The following SLC35F4 variants were observed in gnomAD, a reference collection of about 807,000 sequenced individuals.
SLC35F4 encodes chromosome 14 open reading frame 36.
SLC35F4 carries 24 observed loss-of-function variants against 44.2 expected under a neutral mutation model. That is an observed-to-expected ratio of 0.54 (90% CI 0.39 to 0.76). The LOEUF is 0.76. Ranked by LOEUF, SLC35F4 falls within the 30% of genes least tolerant of loss-of-function variation. The pLI, the probability that SLC35F4 is intolerant of heterozygous loss-of-function variation, is 0.00. For synonymous variants in SLC35F4, 238 were observed against 223.6 expected (o/e 1.06, Z -0.57); for missense variants, 562 against 586.1 (o/e 0.96, Z 0.42).
chr14:57,644,934 T>C (rs184420529), intron 1 of SLC35F4, among the ~76,000 whole-genome samples: 19 of 152,328 alleles, frequency 1.2e-4, no homozygotes, highest in Non-Finnish European at 4.4e-5. Flanking sequence ...TAGTTGTAGA[T>C]ATGTGGCATT....
intron 1 of SLC35F4, among the ~76,000 whole-genome samples, chr14:57,790,514 T>C (rs1298566775): frequency 2.0e-5 from 3 of 152,200 alleles, no homozygotes; most frequent in Non-Finnish European, 4.4e-5. Context: ...AAACATTTCA[T>C]GCTCGTGGAT....
intron 1 of SLC35F4, among the ~76,000 whole-genome samples, chr14:57,890,677 G>A (rs1330201791): frequency 1.3e-5 from 2 of 151,934 alleles, no homozygotes; most frequent in Non-Finnish European, 2.9e-5. Context: ...TAGCTTTTGT[G>A]GATTCATATT....
At chr14:57,769,996 G>C (rs986090847) in intron 1 of SLC35F4, among the ~76,000 whole-genome samples, 1 of 152,132 alleles carries the variant, frequency 6.6e-6, no homozygotes, top group African/African-American at 2.4e-5. Flanking sequence ...AAGGGCCCCA[G>C]TTCTGAATTT....
chr14:57,863,638 T>C (rs530935094), intron 1 of SLC35F4, among the ~76,000 whole-genome samples: 2 of 152,372 alleles, frequency 1.3e-5, no homozygotes, highest in East Asian at 1.9e-4. Flanking sequence ...GTTTGTTTAC[T>C]AGTTGAAGCC....
At chr14:57,914,087 T>A (rs1440884432) in intron 1 of SLC35F4, among the ~76,000 whole-genome samples, 1 of 152,200 alleles carries the variant, frequency 6.6e-6, no homozygotes, top group African/African-American at 2.4e-5. Context: ...CTTAGTCTGT[T>A]TTATGCTGCT....
intron 1 of SLC35F4, among the ~76,000 whole-genome samples, chr14:57,608,137 T>G (rs1252503910): frequency 6.6e-6 from 1 of 151,944 alleles, no homozygotes; most frequent in African/African-American, 2.4e-5. Context: ...GGAAACAGAT[T>G]TGAGAGTCAT....
intron 1 of SLC35F4, among the ~76,000 whole-genome samples, chr14:57,677,542 G>T (rs904358702): frequency 1.3e-5 from 2 of 152,074 alleles, no homozygotes; most frequent in African/African-American, 4.8e-5. Flanking sequence ...TGCTGTTTGA[G>T]TGTTTTTATG....
At chr14:57,671,651 A>C (rs901190881) in intron 1 of SLC35F4, among the ~76,000 whole-genome samples, 3 of 152,026 alleles carry the variant, frequency 2.0e-5, no homozygotes, top group Admixed American at 2.0e-4. Flanking sequence ...GACTCAGTAC[A>C]TAACCAGCGG....
chr14:57,809,991 T>G (rs1881777238), intron 1 of SLC35F4, among the ~76,000 whole-genome samples: 1 of 152,256 alleles, frequency 6.6e-6, no homozygotes, highest in Non-Finnish European at 1.5e-5. Flanking sequence ...CCCTTAACCT[T>G]GACTATTATG....
intron 1 of SLC35F4, among the ~76,000 whole-genome samples, chr14:57,953,689 C>T (rs1421708239): frequency 6.6e-6 from 1 of 152,146 alleles, no homozygotes; most frequent in South Asian, 2.1e-4. Flanking sequence ...AAGGACATTA[C>T]ATAATTGTAA....
chr14:57,837,492 A>G (rs535891035), intron 1 of SLC35F4: 1 of 152,076 alleles, frequency 6.6e-6, no homozygotes, highest in Non-Finnish European at 1.5e-5. Flanking sequence ...CCAAGGGTAG[A>G]CCTCCTCCAA....
At chr14:57,963,460 A>T (rs544757275) in intron 1 of SLC35F4, among the ~76,000 whole-genome samples, 2 of 152,318 alleles carry the variant, frequency 1.3e-5, no homozygotes, top group Non-Finnish European at 2.9e-5. Context: ...TCATTGGACT[A>T]AAAGAACGAA....
intron 1 of SLC35F4, among the ~76,000 whole-genome samples, chr14:57,682,378 G>A (rs539873325): frequency 6.6e-6 from 1 of 152,200 alleles, no homozygotes; most frequent in South Asian, 2.1e-4. Flanking sequence ...GTCATTCTCA[G>A]GAAACTAACG....
chr14:57,614,286 G>A (rs1409554775), intron 1 of SLC35F4, among the ~76,000 whole-genome samples: 1 of 152,148 alleles, frequency 6.6e-6, no homozygotes, highest in African/African-American at 2.4e-5. Flanking sequence ...CATTTAAGGA[G>A]GAAGAAAAAG....
chr14:57,914,680 A>G (rs1889282659), intron 1 of SLC35F4, among the ~76,000 whole-genome samples: 1 of 152,166 alleles, frequency 6.6e-6, no homozygotes, highest in African/African-American at 2.4e-5. Context: ...GCACTATTAC[A>G]ATGGCAATAA....
In SLC35F4 at chr14:57,958,652, T is replaced by C. The variant is rs149628536; in HGVS notation, n.282+23261A>G. Among the ~76,000 whole-genome samples the C allele has an allele frequency of 4.0e-3, 605 of 152,270 alleles. 3 individuals carry two copies. Among genetic ancestry groups the C allele is most frequent in the African/African-American group, 0.014 (574 of 41,552 alleles). On this transcript the variant is annotated intron_variant and non_coding_transcript_variant, in intron 1 of 1. Coordinates refer to the SLC35F4 transcript ENST00000556568. Reference sequence around the variant, plus strand: ...CTTTAAAAGGGTGAGTGTTATGATATGTGAATTATATCTCAACTAAAAAAA... The same window carrying C: ...CTTTAAAAGGGTGAGTGTTATGATACGTGAATTATATCTCAACTAAAAAAA...
intron 3 of SLC35F4, among the ~76,000 whole-genome samples, chr14:57,584,587 A>T (rs752159384): frequency 9.9e-5 from 15 of 152,182 alleles, no homozygotes; most frequent in African/African-American, 3.4e-4. Flanking sequence ...TTTCTGCTTG[A>T]CAATAAAAGC....
At chr14:57,938,001 A>T (rs1229848090) in intron 1 of SLC35F4, among the ~76,000 whole-genome samples, 2 of 152,124 alleles carry the variant, frequency 1.3e-5, no homozygotes, top group Non-Finnish European at 2.9e-5. Flanking sequence ...TCCACTCCCC[A>T]AGTAAGACCT....
At chr14:57,720,304 G>C (rs928671781) in intron 1 of SLC35F4, among the ~76,000 whole-genome samples, 1 of 151,874 alleles carries the variant, frequency 6.6e-6, no homozygotes, top group Non-Finnish European at 1.5e-5. Context: ...TTTTTTTAAC[G>C]TGCCTTTGTC....
Sources: gnomAD v4.1 joint callset for allele counts (sites outside exome capture counted in the v4.1 genomes callset) on GRCh38, gnomAD v4.1.1 for gene constraint, MANE v1.5 for transcripts, NCBI Gene and HGNC (gene_info 2026-07-23, HGNC 2026-07-21) for gene names.